The following SARNP variants were observed in gnomAD, a reference collection of about 807,000 sequenced individuals.
SARNP encodes SAP domain-containing ribonucleoprotein.
Under a neutral mutation model 38.1 loss-of-function variants are expected in SARNP, and 5 were observed. The ratio of observed to expected loss-of-function variants is 0.13; its 90% confidence interval spans 0.07 to 0.28. SARNP has a LOEUF of 0.28. SARNP is among the 10% of genes least tolerant of loss of function. SARNP has a pLI of 1.00. For synonymous variants in SARNP, 84 were observed against 80.6 expected, an observed-to-expected ratio of 1.04 and a Z score of -0.23; for missense variants, 180 against 243.9, an observed-to-expected ratio of 0.74 and a Z score of 1.75.
chr12:55,784,063 AG>A (rs1242338050), intron 9 of SARNP, among the ~76,000 whole-genome samples: 1 of 152,168 alleles, frequency 6.6e-6, no homozygotes, highest in African/African-American at 2.4e-5. Context: ...GCAAGCACGC[AG>A]GGTCGTAAGT....
chr12:55,752,829 C>T (rs912250757), downstream of SARNP: 1 of 151,966 alleles, frequency 6.6e-6, no homozygotes, highest in African/African-American at 2.4e-5. Flanking sequence ...TGACACAATC[C>T]AGCACTTGAA....
intron 9 of SARNP, among the ~76,000 whole-genome samples, chr12:55,761,168 T>A (rs1878663583): frequency 6.6e-6 from 1 of 150,636 alleles, no homozygotes; most frequent in Admixed American, 6.6e-5. Flanking sequence ...AGAGTGAGAC[T>A]CTGTCTCAAA....
chr12:55,793,453 G>A (rs1235408306), intron 7 of SARNP: 1 of 151,964 alleles, frequency 6.6e-6, no homozygotes, highest in Non-Finnish European at 1.5e-5. Flanking sequence ...TCAGGGGATT[G>A]GATCCAAACC....
At chr12:55,758,966 G>A (rs1433005991) in intron 10 of SARNP, among the ~76,000 whole-genome samples, 1 of 146,132 alleles carries the variant, frequency 6.8e-6, no homozygotes, top group Non-Finnish European at 1.5e-5. Context: ...GTACAGGGGT[G>A]CCATCTGGGC....
chr12:55,764,763 C>T (rs557279872), intron 9 of SARNP, among the ~76,000 whole-genome samples: 29 of 132,012 alleles, frequency 2.2e-4, no homozygotes, highest in African/African-American at 7.5e-4. Context: ...ACCCGAGAGG[C>T]GGAGGTTGCA....
chr12:55,774,558 T>TA lies in SARNP; in HGVS notation c.502-13919_502-13918insT, dbSNP rs1565673497. 1.2e-3 allele frequency among the ~76,000 whole-genome samples: 49 copies of TA among 40,516 alleles called. 5 individuals are homozygous for TA. Among genetic ancestry groups the TA allele is most frequent in the East Asian group, 2.2e-3 (2 of 918 alleles). 26.6% of individuals were successfully genotyped at this position (40,516 alleles called of 152,430 possible). The stretch of plus-strand genomic sequence containing the variant: ...CGACACGGTGAAACCCCGTCTCTAC[T>TA]GAAAAAAAAAAAAAAACAAACAAAA... On this transcript the variant is annotated intron_variant, in intron 9 of 10. Transcript: ENST00000336133.
At chr12:55,773,768 T>C (rs1408396681) in intron 9 of SARNP, among the ~76,000 whole-genome samples, 2 of 152,162 alleles carry the variant, frequency 1.3e-5, no homozygotes, top group African/African-American at 2.4e-5. Context: ...TGGAGTGCAA[T>C]GGTGCGATCT....
rs1878651708 is a variant in SARNP, at chr12:55,760,797, A to G, written c.502-157T>C. The G allele has an allele frequency of 1.3e-5, 8 of 612,122 alleles. No individual in the cohort carries two copies. In the East Asian group the frequency reaches 2.2e-4, roughly 17 times the overall value. 37.9% of individuals were successfully genotyped at this position (612,122 alleles called of 1,614,324 possible). A position where few individuals can be genotyped will look rare whatever the true frequency, so the allele number is the denominator to read the frequency against. On this transcript the variant is annotated intron_variant, in intron 9 of 10. Transcript: ENST00000336133. ...GATAAGATACATAAGAAACTGAATA[A>G]GCTAGCATATACTATGTTGTACCTA...
chr12:55,797,382 C>G lies in SARNP; in HGVS notation c.252-1306G>C, dbSNP rs74964838. On this transcript the variant is annotated intron_variant, in intron 4 of 10. Coordinates refer to ENST00000336133, the MANE Select transcript of SARNP (RefSeq NM_033082.4). ...TATTTTTGGAGAACTTCAGGCCAAA[C>G]ATGAAGAAGGGGATCTCCTTTTAAA... Among the ~76,000 whole-genome samples the G allele has an allele frequency of 4.3e-3, 656 of 152,306 alleles. 9 individuals are homozygous for G. The highest frequency in any genetic ancestry group is 0.011 in the African/African-American group (454 of 41,572).
chr12:55,788,676 G>A (rs951506723), intron 9 of SARNP, among the ~76,000 whole-genome samples: 3 of 152,114 alleles, frequency 2.0e-5, no homozygotes, highest in Non-Finnish European at 4.4e-5. Context: ...GCACGTGCCT[G>A]TAGTTTTAGC....
chr12:55,800,552 G>A lies in SARNP; in HGVS notation c.251+10C>T, dbSNP rs979039616. 6.4e-7 allele frequency: 1 copy of A among 1,569,958 alleles called. No homozygotes were observed. Among genetic ancestry groups the A allele is most frequent in the Non-Finnish European group, 8.7e-7 (1 of 1,145,254 alleles). ...GCTCTGTACTCAGATTATAAAAAAG[G>A]GATAATTACACATCAACAGTTTTTT... On this transcript the variant is annotated intron_variant, in intron 4 of 10. Transcript: ENST00000336133.
intron 8 of SARNP, among the ~76,000 whole-genome samples, chr12:55,789,943 CAAAAAAAA>C (rs1158181574): frequency 2.2e-5 from 1 of 45,778 alleles, no homozygotes; most frequent in Admixed American, 2.3e-4. Context: ...AACTCCGTCT[CAAAAAAAA>C]AAAAAAAAAA....
intron 2 of SARNP, among the ~76,000 whole-genome samples, chr12:55,802,938 A>AG (rs1880026063): frequency 2.6e-5 from 4 of 151,366 alleles, no homozygotes; most frequent in Admixed American, 1.3e-4. Context: ...AAAAAAAAAA[A>AG]CACAATACTT....
At chr12:55,785,385 A>G (rs534687524) in intron 9 of SARNP, among the ~76,000 whole-genome samples, 1 of 152,312 alleles carries the variant, frequency 6.6e-6, no homozygotes, top group East Asian at 1.9e-4. Context: ...CATAAAGCCA[A>G]TTTACCAACA....
chr12:55,765,508 A>G (rs61956400), intron 9 of SARNP, among the ~76,000 whole-genome samples: 1 of 149,442 alleles, frequency 6.7e-6, no homozygotes, highest in African/African-American at 2.5e-5. Flanking sequence ...ATGCCTGGCT[A>G]ATTTTTTTTT....
At chr12:55,762,269 CAGAG>C (rs1291186161) in intron 9 of SARNP, among the ~76,000 whole-genome samples, 1 of 151,528 alleles carries the variant, frequency 6.6e-6, no homozygotes, top group Non-Finnish European at 1.5e-5. Context: ...CCTGGGTAGA[CAGAG>C]TGGGACTCCG....
intron 9 of SARNP, among the ~76,000 whole-genome samples, chr12:55,777,941 T>A (rs1199183260): frequency 6.6e-6 from 1 of 152,198 alleles, no homozygotes; most frequent in Non-Finnish European, 1.5e-5. Context: ...TCAACAGCAG[T>A]TGAATGGCAC....
intron 9 of SARNP, among the ~76,000 whole-genome samples, chr12:55,763,971 G>C (rs1353309226): frequency 5.9e-5 from 9 of 152,196 alleles, no homozygotes; most frequent in East Asian, 5.8e-4. Flanking sequence ...AGAACAGTAG[G>C]ACAATTAAGT....
At chr12:55,760,507 A>G in intron 10 of SARNP, 44 bp downstream of exon 10, 1 of 1,042,726 alleles carries the variant, frequency 9.6e-7, no homozygotes, top group African/African-American at 1.6e-5. Flanking sequence ...TATTCACTCT[A>G]ATTTCCCTTC....
Sources: gnomAD v4.1 joint callset for allele counts (sites outside exome capture counted in the v4.1 genomes callset) on GRCh38, gnomAD v4.1.1 for gene constraint, MANE v1.5 for transcripts, NCBI Gene and HGNC (gene_info 2026-07-23, HGNC 2026-07-21) for gene names.